WDFY2: variants seen among roughly 807,000 people sequenced by gnomAD.
The protein encoded by WDFY2 is WD repeat and FYVE domain-containing protein 2.
A neutral mutation model predicts 56.4 loss-of-function variants in WDFY2; 36 were observed. The observed-to-expected ratio is 0.64, with a 90% CI of 0.49 to 0.84. WDFY2 has a LOEUF of 0.84. Among genes scored for constraint, WDFY2 ranks in the 40% least tolerant of loss-of-function variants. The probability of loss-of-function intolerance (pLI) is 0.00; values close to 1 mark genes in which losing one functional copy is unlikely to be tolerated. For missense variants in WDFY2, 444 were observed against 512.2 expected (o/e 0.87, Z 1.29); for synonymous variants, 176 against 183.7 (o/e 0.96, Z 0.34).
intron 7 of WDFY2, 132 bp from the exon 8 acceptor site, chr13:51,751,178 C>T: frequency 1.5e-6 from 1 of 685,296 alleles, no homozygotes; most frequent in South Asian, 2.0e-5. Flanking sequence ...GCTGAAAATT[C>T]CAACAGGTTT....
intron 1 of WDFY2, chr13:51,590,374 GA>G (rs1221124206): frequency 6.6e-6 from 1 of 152,148 alleles, no homozygotes; most frequent in Non-Finnish European, 1.5e-5. Flanking sequence ...CAAAACTTTA[GA>G]AAAGGAAATG....
intron 4 of WDFY2, among the ~76,000 whole-genome samples, chr13:51,718,600 ACACT>A (rs1282556977): frequency 1.3e-5 from 2 of 149,114 alleles, no homozygotes; most frequent in Non-Finnish European, 3.0e-5. Context: ...ACACACACAC[ACACT>A]GTAACATAAG....
intron 3 of WDFY2, among the ~76,000 whole-genome samples, chr13:51,682,540 C>G (rs555172482): frequency 2.0e-5 from 3 of 152,044 alleles, no homozygotes; most frequent in Non-Finnish European, 4.4e-5. Flanking sequence ...CAAAGAGGTT[C>G]GGAGCACAAG....
chr13:51,598,425 T>C (rs1303956291), intron 1 of WDFY2: 1 of 152,216 alleles, frequency 6.6e-6, no homozygotes, highest in Non-Finnish European at 1.5e-5. Context: ...GATGCTAAGA[T>C]TGCTGCCTTG....
At position 51,614,353 on chromosome 13, in the gene WDFY2, G is replaced by T. The variant is rs180965932; in HGVS notation, c.137+29529G>T. ...ACCCTGATATATAGTTTAGATTCTA[G>T]ATTTTGCTGCAACGAACAGAAAACC... On this transcript the variant is annotated intron_variant, in intron 1 of 11. Coordinates refer to ENST00000298125, the MANE Select transcript of WDFY2 (RefSeq NM_052950.4). Among the ~76,000 whole-genome samples the T allele has an allele frequency of 2.0e-5, 3 of 152,286 alleles. No homozygotes were observed. In the East Asian group the frequency reaches 5.8e-4, roughly 29 times the overall value.
chr13:51,623,198 G>GT (rs1317003446), intron 1 of WDFY2, among the ~76,000 whole-genome samples: 1 of 149,512 alleles, frequency 6.7e-6, no homozygotes, highest in Non-Finnish European at 1.5e-5. Flanking sequence ...TATGTTACTT[G>GT]TTTTTTTTAA....
chr13:51,633,555 A>C (rs925332990), intron 1 of WDFY2, among the ~76,000 whole-genome samples: 37 of 152,096 alleles, frequency 2.4e-4, no homozygotes, highest in African/African-American at 8.9e-4. Flanking sequence ...CTCTCCGCTC[A>C]CTCTGCTGTT....
chr13:51,746,064 C>A (rs1953096927), intron 7 of WDFY2, among the ~76,000 whole-genome samples: 1 of 150,038 alleles, frequency 6.7e-6, no homozygotes, highest in Non-Finnish European at 1.5e-5. Context: ...GCAATCTCCA[C>A]CTCCAGGTTC....
At chr13:51,730,145 T>C (rs528025995) in intron 6 of WDFY2, among the ~76,000 whole-genome samples, 17 of 152,264 alleles carry the variant, frequency 1.1e-4, no homozygotes, top group Non-Finnish European at 2.4e-4. Flanking sequence ...ATCCAAGTTG[T>C]AGCAAACAAT....
At chr13:51,707,938 A>ATTTT (rs1952120038) in intron 4 of WDFY2, among the ~76,000 whole-genome samples, 3 of 78,462 alleles carry the variant, frequency 3.8e-5, no homozygotes, top group African/African-American at 5.6e-5. Flanking sequence ...CCCTAAAACA[A>ATTTT]CTTTTTTTTT....
At chr13:51,707,549 T>A (rs985750676) in intron 4 of WDFY2, among the ~76,000 whole-genome samples, 2 of 152,126 alleles carry the variant, frequency 1.3e-5, no homozygotes, top group African/African-American at 4.8e-5. Flanking sequence ...AAAATAAGCA[T>A]TTTTTTGGAC....
At chr13:51,723,369 G>A (rs968504465) in intron 5 of WDFY2, among the ~76,000 whole-genome samples, 3 of 151,938 alleles carry the variant, frequency 2.0e-5, no homozygotes, top group African/African-American at 7.3e-5. Context: ...TTTGTGCAGT[G>A]GATTTGTTTG....
Position 51,766,139 on chromosome 13 carries a change from C to G in WDFY2, c.*6370C>G, listed in dbSNP as rs1953741460. The G allele has an allele frequency of 6.6e-6, 1 of 152,242 alleles. No individual in the cohort carries two copies. Among genetic ancestry groups the G allele is most frequent in the Non-Finnish European group, 1.5e-5 (1 of 68,040 alleles). 9.4% of individuals were successfully genotyped at this position (152,242 alleles called of 1,614,324 possible). A position where few individuals can be genotyped will look rare whatever the true frequency, so the allele number is the denominator to read the frequency against. On this transcript the variant is annotated 3_prime_UTR_variant, in exon 12 of 12. Transcript: ENST00000298125. ...AAGTATGGCCAAAACCCTAGCGTCA[C>G]TTGTAACCATTGTACTCTTATGGAT...
intron 1 of WDFY2, among the ~76,000 whole-genome samples, chr13:51,617,753 C>G (rs1954646222): frequency 6.6e-6 from 1 of 152,170 alleles, no homozygotes; most frequent in Non-Finnish European, 1.5e-5. Flanking sequence ...AGTTAAATCT[C>G]AAGAAATTTC....
rs540516908 is a variant in WDFY2, at chr13:51,698,264, T to C, written c.280-5332T>C. Among the ~76,000 whole-genome samples, 7 of 152,352 alleles carry C rather than the reference T, an allele frequency of 4.6e-5. No homozygotes were observed. In the South Asian group the frequency reaches 1.4e-3, roughly 32 times the overall value. On this transcript the variant is annotated intron_variant, in intron 3 of 11. Transcript: ENST00000298125. ...TCTTAAATGTATATGTAAAAATTCT[T>C]ATTGAATATTAGCATATCAAATCCA...
chr13:51,666,035 A>G (rs879943085), intron 2 of WDFY2, among the ~76,000 whole-genome samples: 8 of 152,198 alleles, frequency 5.3e-5, no homozygotes, highest in South Asian at 2.1e-4. Context: ...TTTTCACACA[A>G]GTATGGATAC....
intron 3 of WDFY2, among the ~76,000 whole-genome samples, chr13:51,696,513 A>G (rs1951879631): frequency 6.6e-6 from 1 of 152,318 alleles, no homozygotes; most frequent in South Asian, 2.1e-4. Context: ...GGGTTGGAGA[A>G]CCCCCAAACA....
intron 1 of WDFY2, among the ~76,000 whole-genome samples, chr13:51,645,011 A>G (rs1218399087): frequency 1.3e-5 from 2 of 152,130 alleles, no homozygotes; most frequent in Non-Finnish European, 2.9e-5. Flanking sequence ...TTTGCTGGGA[A>G]CCTCTCAGTT....
intron 1 of WDFY2, among the ~76,000 whole-genome samples, chr13:51,619,410 G>A (rs777910963): frequency 1.3e-5 from 2 of 150,238 alleles, no homozygotes; most frequent in Non-Finnish European, 3.0e-5. Flanking sequence ...TCCAGCCTGG[G>A]CAACAGAGCC....
Sources: gnomAD v4.1 joint callset for allele counts (sites outside exome capture counted in the v4.1 genomes callset) on GRCh38, gnomAD v4.1.1 for gene constraint, MANE v1.5 for transcripts, NCBI Gene and HGNC (gene_info 2026-07-23, HGNC 2026-07-21) for gene names.